The following CEP112 variants were observed in gnomAD, a reference collection of about 807,000 sequenced individuals.
CEP112 encodes the protein centrosomal protein of 112 kDa.
CEP112 carries 127 observed loss-of-function variants against 153.0 expected under a neutral mutation model. The ratio of observed to expected loss-of-function variants is 0.83; its 90% CI spans 0.72 to 0.96. The LOEUF is 0.96. CEP112 is among the 40% of genes least tolerant of loss of function. CEP112 has a pLI of 0.00. For synonymous variants in CEP112, 358 were observed against 374.4 expected, an observed-to-expected ratio of 0.96 and a Z score of 0.51; for missense variants, 1,089 against 1,101.2, an observed-to-expected ratio of 0.99 and a Z score of 0.16.
At chr17:65,933,804 T>G (rs2061211093) in intron 18 of CEP112, among the ~76,000 whole-genome samples, 1 of 152,206 alleles carries the variant, frequency 6.6e-6, no homozygotes, top group African/African-American at 2.4e-5. Flanking sequence ...TCAGAAGACT[T>G]TAGTGCTGTA....
Position 65,851,890 on chromosome 17 carries a change from C to A in CEP112, c.2308G>T (p.Val770Phe). Residue 770 changes from valine to phenylalanine, a missense_variant, in exon 21 of 27, where the codon GTC (valine) becomes TTC (phenylalanine). Physicochemically the swap from Val to Phe is conservative, Grantham distance 50. Transcript: ENST00000535342. The stretch of plus-strand genomic sequence containing the variant: ...TCTGATTCAGCCTTCAGTTTATTGA[C>A]GACAATCTCATGTTCCCTTGTAGCC... ...QRATREHEIV[V>F]NKLKAESEKM... The A allele has an allele frequency of 6.2e-7, 1 of 1,614,138 alleles. No individual in the cohort carries two copies. The highest frequency in any genetic ancestry group is 8.5e-7 in the Non-Finnish European group (1 of 1,180,014).
intron 18 of CEP112, among the ~76,000 whole-genome samples, chr17:65,959,112 T>G (rs965228208): frequency 6.6e-6 from 1 of 151,694 alleles, no homozygotes; most frequent in Admixed American, 6.6e-5. Context: ...CAGCTGCAGA[T>G]AGGAGCAACC....
chr17:65,730,819 T>A (rs1567929921), intron 23 of CEP112, among the ~76,000 whole-genome samples: 4 of 133,438 alleles, frequency 3.0e-5, no homozygotes, highest in African/African-American at 8.5e-5. Context: ...TTGCTAGATG[T>A]CCTACTGGCA....
chr17:65,950,699 C>CTATTATTATTATTAGTAG (rs57598697), intron 18 of CEP112, among the ~76,000 whole-genome samples: 12,671 of 147,112 alleles, frequency 0.086, 695 homozygotes, highest in South Asian at 0.12. Flanking sequence ...GGATACATTA[C>CTATTATTATTATTAGTAG]TAGTAGTAGT....
intron 21 of CEP112, among the ~76,000 whole-genome samples, chr17:65,830,644 C>A (rs2057036226): frequency 6.6e-6 from 1 of 152,304 alleles, no homozygotes; most frequent in Admixed American, 6.5e-5. Context: ...AGCAGTGGGG[C>A]AGAATCTGTG....
chr17:65,736,420 GT>G (rs893709379), intron 23 of CEP112, among the ~76,000 whole-genome samples: 40 of 152,156 alleles, frequency 2.6e-4, no homozygotes, highest in Non-Finnish European at 1.5e-5. Flanking sequence ...ATGCCCAGTA[GT>G]AGTCAGAAAT....
chr17:65,718,534 T>A (rs1441793176), intron 23 of CEP112, among the ~76,000 whole-genome samples: 3 of 152,224 alleles, frequency 2.0e-5, no homozygotes, highest in Admixed American at 1.3e-4. Flanking sequence ...AATTTTAATG[T>A]CTATTTCAGT....
intron 9 of CEP112, among the ~76,000 whole-genome samples, chr17:66,068,312 A>G (rs2067194464): frequency 6.6e-6 from 1 of 152,138 alleles, no homozygotes; most frequent in Admixed American, 6.6e-5. Flanking sequence ...ACAGTAGCAC[A>G]TGCATATAGT....
At chr17:66,153,278 C>T (rs1429803071) in intron 4 of CEP112, among the ~76,000 whole-genome samples, 3 of 151,956 alleles carry the variant, frequency 2.0e-5, no homozygotes, top group Admixed American at 6.6e-5. Context: ...ATACTGAAAA[C>T]AATCCAAATA....
At chr17:66,043,616 A>C (rs1031004833) in intron 12 of CEP112, among the ~76,000 whole-genome samples, 3 of 152,148 alleles carry the variant, frequency 2.0e-5, no homozygotes, top group Non-Finnish European at 4.4e-5. Flanking sequence ...TCTAAACCCT[A>C]ATGTCAATAG....
At chr17:65,801,788 A>G (rs2145828365) in intron 21 of CEP112, among the ~76,000 whole-genome samples, 1 of 152,260 alleles carries the variant, frequency 6.6e-6, no homozygotes, top group Non-Finnish European at 1.5e-5. Flanking sequence ...AACATATTTC[A>G]AGTAACTTAT....
intron 8 of CEP112, among the ~76,000 whole-genome samples, chr17:66,075,213 G>A (rs551962822): frequency 2.8e-4 from 43 of 152,220 alleles, no homozygotes; most frequent in African/African-American, 1.0e-3. Context: ...AACCTCAAAA[G>A]TTAGGTTTCA....
intron 17 of CEP112, among the ~76,000 whole-genome samples, chr17:65,966,015 A>G (rs2062402513): frequency 7.0e-6 from 1 of 143,504 alleles, no homozygotes; most frequent in African/African-American, 2.5e-5. Flanking sequence ...TCCTGAAAGA[A>G]GGAGGAAAAA....
chr17:66,160,775 A>T (rs537070191), intron 4 of CEP112, among the ~76,000 whole-genome samples: 1 of 152,202 alleles, frequency 6.6e-6, no homozygotes, highest in Non-Finnish European at 1.5e-5. Flanking sequence ...GGACATAGGT[A>T]TGGGCAAAGG....
chr17:65,642,173 C>T (rs1429509411), intron 24 of CEP112, among the ~76,000 whole-genome samples: 3 of 152,104 alleles, frequency 2.0e-5, no homozygotes, highest in African/African-American at 7.2e-5. Flanking sequence ...ATTTCTCTTC[C>T]ACCTACTGTG....
At chr17:65,870,767 A>C (rs1376361036) in intron 20 of CEP112, among the ~76,000 whole-genome samples, 1 of 152,228 alleles carries the variant, frequency 6.6e-6, no homozygotes, top group African/African-American at 2.4e-5. Flanking sequence ...AAACACCTAA[A>C]GTTATTTTCT....
chr17:66,119,539 A>G (rs756773524), intron 6 of CEP112, among the ~76,000 whole-genome samples: 1 of 152,096 alleles, frequency 6.6e-6, no homozygotes, highest in Non-Finnish European at 1.5e-5. Context: ...CATCCACTTT[A>G]TTGTGTGATT....
rs1028932550 is a variant in CEP112, at chr17:65,697,647, G to A, written c.2608-8429C>T. Among the ~76,000 whole-genome samples, 12 of 152,136 alleles carry A rather than the reference G, an allele frequency of 7.9e-5. 1 individual carries two copies. Among genetic ancestry groups the A allele is most frequent in the Admixed American group, 6.5e-4 (10 of 15,276 alleles). On this transcript the variant is annotated intron_variant, in intron 23 of 26. Transcript: ENST00000535342. ...GGCTACCGAAAGTGACACAGTGGCA[G>A]CGTGACATTTTTACTGGGTGGTCTC...
rs1598373658 is a variant in CEP112 at position 66,111,616 on chromosome 17, C to A, written c.643-14984G>T. Among the ~76,000 whole-genome samples the A allele has an allele frequency of 6.6e-5, 10 of 151,988 alleles. No homozygotes were observed. In the South Asian group the frequency reaches 2.1e-3, roughly 32 times the overall value. On this transcript the variant is annotated intron_variant, in intron 6 of 26. Coordinates refer to ENST00000535342, the MANE Select transcript of CEP112 (RefSeq NM_001199165.4). ...TATTAAAAACACAGGAACAGAAAAC[C>A]AAATATTGTATGTTCTCACTTATAA...
Sources: allele counts gnomAD v4.1 joint callset (sites outside exome capture counted in the v4.1 genomes callset), GRCh38; gene constraint gnomAD v4.1.1; transcripts MANE v1.5; gene names NCBI Gene and HGNC (gene_info 2026-07-23, HGNC 2026-07-21).